SYTL3: variants seen among roughly 807,000 people sequenced by gnomAD.
SYTL3 encodes the protein synaptotagmin like 3, also known as synaptotagmin-like protein 3.
SYTL3 carries 88 observed loss-of-function variants against 82.1 expected under a neutral mutation model. That is an observed-to-expected ratio of 1.07 (90% CI 0.90 to 1.28). SYTL3 has a LOEUF of 1.28. SYTL3 is among the 50% of genes most tolerant of loss of function. The pLI is 0.00. For missense variants in SYTL3, 831 were observed against 757.6 expected (o/e 1.10, Z -1.14); for synonymous variants, 311 against 289.4 (o/e 1.07, Z -0.76).
chr6:158,665,130 A>G (rs914753754), intron 4 of SYTL3, among the ~76,000 whole-genome samples: 1 of 152,184 alleles, frequency 6.6e-6, no homozygotes, highest in Non-Finnish European at 1.5e-5. Flanking sequence ...TGCCCCAGGC[A>G]TGTTATTTAT....
intron 12 of SYTL3, among the ~76,000 whole-genome samples, chr6:158,749,381 ACT>A (rs1425255934): frequency 1.8e-5 from 2 of 114,070 alleles, no homozygotes; most frequent in African/African-American, 7.6e-5. Context: ...ACCAAGTGAG[ACT>A]CTGTCTGAAA....
At chr6:158,703,085 C>T (rs1270664596) in intron 6 of SYTL3, among the ~76,000 whole-genome samples, 1 of 140,994 alleles carries the variant, frequency 7.1e-6, no homozygotes, top group South Asian at 2.4e-4. Flanking sequence ...ACCTGGGAGG[C>T]GGAGGTTGCA....
rs1269439563 is a variant in SYTL3, at chr6:158,764,527, T to C, written c.1756T>C (p.Ser586Pro). Residue 586 changes from serine to proline, a missense_variant, in exon 18 of 18, where the codon TCA becomes CCA. Ser to Pro is a moderately conservative substitution (Grantham distance 74). Coordinates refer to ENST00000611299, the MANE Select transcript of SYTL3 (RefSeq NM_001242394.2). ...GDTAVGGDAC[S>P]LSKLQWQKVL... ...CACAGCTGTTGGCGGGGATGCATGC[T>C]CACTATCGAAGCTCCAGTGGCAGAA... is the stretch of plus-strand genomic sequence containing the variant. The C allele has an allele frequency of 1.9e-6, 3 of 1,614,034 alleles. No homozygotes were observed. Among genetic ancestry groups the C allele is most frequent in the South Asian group, 2.2e-5 (2 of 91,076 alleles).
At chr6:158,705,394 T>C (rs13214520) in intron 6 of SYTL3, among the ~76,000 whole-genome samples, 27 of 136,714 alleles carry the variant, frequency 2.0e-4, no homozygotes, top group Admixed American at 5.2e-4. Context: ...CAGTGAGGGC[T>C]GTAAGGCCAC....
chr6:158,727,385 G>A (rs968757784), intron 11 of SYTL3, among the ~76,000 whole-genome samples: 2 of 151,610 alleles, frequency 1.3e-5, no homozygotes, highest in Non-Finnish European at 2.9e-5. Context: ...TGGCCAGGCT[G>A]GTCTCGAACT....
intron 5 of SYTL3, among the ~76,000 whole-genome samples, chr6:158,668,241 T>TATTA (rs1790328317): frequency 6.6e-6 from 1 of 151,710 alleles, no homozygotes; most frequent in Non-Finnish European, 1.5e-5. Context: ...TTTATTTATT[T>TATTA]ATTTTGAGAC....
chr6:158,719,495 A>C (rs1031367478), intron 10 of SYTL3, among the ~76,000 whole-genome samples: 5 of 152,186 alleles, frequency 3.3e-5, no homozygotes, highest in African/African-American at 1.2e-4. Flanking sequence ...GATCTGGCGA[A>C]GTCTATGCTG....
intron 5 of SYTL3, among the ~76,000 whole-genome samples, chr6:158,679,567 T>C (rs1278539811): frequency 1.4e-5 from 2 of 142,388 alleles, no homozygotes; most frequent in Non-Finnish European, 2.9e-5. Context: ...AATACTGTGG[T>C]ATTTTTACTT....
intron 9 of SYTL3, among the ~76,000 whole-genome samples, chr6:158,715,772 C>G (rs963981984): frequency 6.6e-6 from 1 of 151,792 alleles, no homozygotes; most frequent in Non-Finnish European, 1.5e-5. Flanking sequence ...GGACACGTGA[C>G]CACACACACG....
At chr6:158,653,466 A>G (rs1051826996) in intron 2 of SYTL3, among the ~76,000 whole-genome samples, 9 of 152,014 alleles carry the variant, frequency 5.9e-5, no homozygotes, top group African/African-American at 2.2e-4. Context: ...AGATCGCGCC[A>G]TTGCATTCCC....
intron 12 of SYTL3, 77 bp from the exon 13 acceptor site, chr6:158,751,851 T>C: frequency 9.0e-7 from 1 of 1,104,986 alleles, no homozygotes; most frequent in Non-Finnish European, 1.3e-6. Context: ...GGCATGTGGG[T>C]TCTCTGCTGC....
At chr6:158,709,249 A>G (rs1053589336) in intron 8 of SYTL3, among the ~76,000 whole-genome samples, 2 of 152,180 alleles carry the variant, frequency 1.3e-5, no homozygotes, top group Admixed American at 6.5e-5. Flanking sequence ...AATTGTATTT[A>G]ATACACACCT....
At chr6:158,681,817 C>T (rs1778729609) in intron 5 of SYTL3, among the ~76,000 whole-genome samples, 1 of 152,232 alleles carries the variant, frequency 6.6e-6, no homozygotes, top group Non-Finnish European at 1.5e-5. Flanking sequence ...ATGTTGTAAA[C>T]ACAAACTAAC....
chr6:158,698,419 T>C (rs1397525085), intron 6 of SYTL3, among the ~76,000 whole-genome samples: 1 of 147,918 alleles, frequency 6.8e-6, no homozygotes, highest in African/African-American at 2.5e-5. Context: ...AAAAAGGCTC[T>C]GGACTCCTGC....
At chr6:158,670,553 G>A (rs1481196718) in intron 5 of SYTL3, among the ~76,000 whole-genome samples, 2 of 151,850 alleles carry the variant, frequency 1.3e-5, no homozygotes, top group East Asian at 1.9e-4. Flanking sequence ...AGGCTGAGGC[G>A]GGTGGATCAC....
At chr6:158,693,021 C>T (rs530547627) in intron 6 of SYTL3, among the ~76,000 whole-genome samples, 1 of 152,242 alleles carries the variant, frequency 6.6e-6, no homozygotes, top group South Asian at 2.1e-4. Flanking sequence ...CTGCCTGCCT[C>T]TCCTCTCCGT....
Position 158,744,888 on chromosome 6 carries a change from A to G in SYTL3, c.856-592A>G, listed in dbSNP as rs868715288. ...TTGGAGTACCCTAGACTGTGATGAT[A>G]GTTTTATTTTTCATTTTAGGTAACC... On this transcript the variant is annotated intron_variant, in intron 11 of 17. Coordinates refer to ENST00000611299, the MANE Select transcript of SYTL3 (RefSeq NM_001242394.2). Among the ~76,000 whole-genome samples, 7 of 152,286 alleles carry G rather than the reference A, an allele frequency of 4.6e-5. No individual in the cohort carries two copies. The South Asian group carries it at 1.5e-3, about 32-fold the overall frequency.
chr6:158,729,487 T>G (rs1249328418), intron 11 of SYTL3, among the ~76,000 whole-genome samples: 3 of 152,176 alleles, frequency 2.0e-5, no homozygotes, highest in Non-Finnish European at 4.4e-5. Flanking sequence ...GGCAATTACA[T>G]TTCAACATGT....
At chr6:158,692,773 T>TAAAAAAAAA (rs35173536) in intron 6 of SYTL3, among the ~76,000 whole-genome samples, 1 of 121,694 alleles carries the variant, frequency 8.2e-6, no homozygotes. Context: ...CCGTCTCTAC[T>TAAAAAAAAA]AAAAAAAAAA....
Sources: allele counts gnomAD v4.1 joint callset (sites outside exome capture counted in the v4.1 genomes callset), GRCh38; gene constraint gnomAD v4.1.1; transcripts MANE v1.5; gene names NCBI Gene and HGNC (gene_info 2026-07-23, HGNC 2026-07-21).